Variants in OSGIN1 observed in about 807,000 individuals in gnomAD.
OSGIN1 encodes oxidative stress-induced growth inhibitor 1.
In OSGIN1, 19 loss-of-function variants were observed where a neutral mutation model predicts 20.1. The ratio of observed to expected loss-of-function variants is 0.95; its 90% CI spans 0.66 to 1.39. OSGIN1 has a LOEUF of 1.39. OSGIN1 is among the 40% of genes most tolerant of loss of function. OSGIN1 has a pLI of 0.00. For missense variants in OSGIN1, 820 were observed against 653.0 expected, an observed-to-expected ratio of 1.26 and a Z score of -2.79; for synonymous variants, 368 against 297.8, an observed-to-expected ratio of 1.24 and a Z score of -2.43.
At chr16:83,958,649 A>G (rs182112245) in intron 2 of OSGIN1, among the ~76,000 whole-genome samples, 179 of 152,362 alleles carry the variant, frequency 1.2e-3, no homozygotes, top group Admixed American at 4.3e-3. Flanking sequence ...GAGAAGCGCT[A>G]TCACAGGGCT....
At chr16:83,953,766 C>T (rs1908800039) in intron 1 of OSGIN1, among the ~76,000 whole-genome samples, 2 of 152,108 alleles carry the variant, frequency 1.3e-5, no homozygotes, top group Non-Finnish European at 2.9e-5. Flanking sequence ...GCTTCTCCTG[C>T]TCAGGAGGGA....
In OSGIN1 at chr16:83,965,951, G is replaced by A. The variant is rs1219870341; in HGVS notation, c.1378G>A (p.Gly460Ser). ...GDNFVRFVQG[G>S]ALAVASSLLR... is the part of the protein sequence containing the mutation. ...CAACTTCGTGAGGTTTGTGCAGGGG[G>A]GCGCCTTGGCTGTGGCCAGCTCCCT... Residue 460 changes from glycine (G) to serine (S), a missense_variant, in exon 6 of 6, where the codon GGC (glycine) becomes AGC (serine). Physicochemically the swap from Gly to Ser is moderately conservative, Grantham distance 56. Coordinates refer to ENST00000393306, the MANE Select transcript of OSGIN1 (RefSeq NM_182981.3). 2 of 1,610,478 alleles carry A rather than the reference G, an allele frequency of 1.2e-6. No homozygotes were observed. Among genetic ancestry groups the A allele is most frequent in the Non-Finnish European group, 1.7e-6 (2 of 1,178,984 alleles).
chr16:83,961,226 C>T (rs2084207832), intron 5 of OSGIN1, 154 bp downstream of exon 5: 1 of 622,106 alleles, frequency 1.6e-6, no homozygotes, highest in South Asian at 1.9e-5. Flanking sequence ...GACATGTGCC[C>T]AAGGTGATCC....
chr16:83,959,123 C>A, intron 2 of OSGIN1, 137 bp from the exon 3 acceptor site: 1 of 672,738 alleles, frequency 1.5e-6, no homozygotes, highest in Admixed American at 2.6e-5. Flanking sequence ...CTGGCACAGG[C>A]TAAGGGCTTA....
Position 83,960,721 on chromosome 16 carries a change from C to T in OSGIN1, c.357C>T (p.His119=), listed in dbSNP as rs201472845. 37 of 1,613,450 alleles carry T rather than the reference C, an allele frequency of 2.3e-5. No homozygotes were observed. The East Asian group carries it at 3.1e-4, about 14-fold the overall frequency. ...ACCGGAAGGAGCACGCCATCCCCCA[C>T]GTGGTTCTGGGCCGGAACCTCCCCG... ...WKHRKEHAIP[H]VVLGRNLPGG... The change falls in exon 4 of 6, where the codon CAC becomes CAT. Residue 119 remains histidine, a synonymous_variant. Coordinates refer to ENST00000393306, the MANE Select transcript of OSGIN1 (RefSeq NM_182981.3).
chr16:83,955,310 A>G, intron 1 of OSGIN1, among the ~76,000 whole-genome samples: 1 of 152,196 alleles, frequency 6.6e-6, no homozygotes, highest in African/African-American at 2.4e-5. Flanking sequence ...CTTCCCAGCC[A>G]GAACACCAGG....
intron 1 of OSGIN1, among the ~76,000 whole-genome samples, chr16:83,955,998 G>A (rs988150722): frequency 6.6e-6 from 1 of 152,184 alleles, no homozygotes; most frequent in African/African-American, 2.4e-5. Context: ...CCCCTTCCCC[G>A]CTAGGCACAT....
chr16:83,960,921 C>T (rs1432195408), intron 4 of OSGIN1, 60 bp from the exon 5 acceptor site: 1 of 1,567,102 alleles, frequency 6.4e-7, no homozygotes, highest in Non-Finnish European at 8.8e-7. Context: ...CCCATGCCCT[C>T]TAGCCCCAAA....
Position 83,953,245 on chromosome 16 carries a change from C to G in OSGIN1, c.-158C>G. Reference sequence around the variant, plus strand: ...TCACTTCCCTCTGGCCTCTCAGAGCCTCTTGGATCCCCACAGGGTAATGGG... The same window carrying G: ...TCACTTCCCTCTGGCCTCTCAGAGCGTCTTGGATCCCCACAGGGTAATGGG... On this transcript the variant is annotated 5_prime_UTR_variant, in exon 1 of 6. Coordinates refer to ENST00000393306, the MANE Select transcript of OSGIN1 (RefSeq NM_182981.3). 2 of 1,285,066 alleles carry G rather than the reference C, an allele frequency of 1.6e-6. No homozygotes were observed. Among genetic ancestry groups the G allele is most frequent in the Admixed American group, 2.3e-5 (1 of 43,222 alleles). The allele number at this position is 1,285,066 out of a possible 1,614,324, so 79.6% of individuals were successfully genotyped here.
chr16:83,965,012 C>A, intron 5 of OSGIN1, 50 bp from the exon 6 acceptor site: 1 of 1,210,664 alleles, frequency 8.3e-7, no homozygotes, highest in Non-Finnish European at 1.2e-6. Context: ...CACCCAGCCC[C>A]CCAACCCCTA....
At chr16:83,962,204 A>C (rs1448877963) in intron 5 of OSGIN1, among the ~76,000 whole-genome samples, 1 of 151,970 alleles carries the variant, frequency 6.6e-6, no homozygotes, top group African/African-American at 2.4e-5. Context: ...TGAATATTTG[A>C]GATGGGTCTC....
rs908517561 is a variant in OSGIN1, at chr16:83,964,020, T to C, written c.489-1042T>C. On this transcript the variant is annotated intron_variant, in intron 5 of 5. Transcript: ENST00000393306. ...TTTAAATCAACTTTTTGACTACATA[T>C]AGGCTGGGTGCGGTGGCGCAAGCCT... Among the ~76,000 whole-genome samples the C allele has an allele frequency of 6.0e-5, 9 of 149,990 alleles. No homozygotes were observed. In the East Asian group the frequency reaches 1.5e-3, roughly 26 times the overall value.
intron 1 of OSGIN1, among the ~76,000 whole-genome samples, chr16:83,955,914 C>A (rs1439970822): frequency 6.6e-6 from 1 of 152,144 alleles, no homozygotes; most frequent in Non-Finnish European, 1.5e-5. Flanking sequence ...CTGTCCCTGG[C>A]CCCCACGCCA....
At chr16:83,953,545 C>G (rs1438459054) in intron 1 of OSGIN1, among the ~76,000 whole-genome samples, 175 bp downstream of exon 1, 2 of 152,212 alleles carry the variant, frequency 1.3e-5, no homozygotes, top group African/African-American at 4.8e-5. Context: ...TTCTCCCCTA[C>G]ACCAGGTTCC....
chr16:83,965,508 T>C lies in OSGIN1; in HGVS notation c.935T>C (p.Ile312Thr). ...GCCCGCCACTACAACATCCCGGTGA[T>C]CCATGCCTTCCGCCGGGCCGTGGAC... ...LYARHYNIPV[I>T]HAFRRAVDDP... Residue 312 changes from isoleucine (I) to threonine (T), a missense_variant, in exon 6 of 6, where the codon ATC (isoleucine) becomes ACC (threonine). Physicochemically the swap from Ile to Thr is moderately conservative, Grantham distance 89. Transcript: ENST00000393306. The C allele has an allele frequency of 6.2e-7, 1 of 1,612,042 alleles. No individual in the cohort carries two copies. Among genetic ancestry groups the C allele is most frequent in the Non-Finnish European group, 8.5e-7 (1 of 1,179,984 alleles).
At chr16:83,961,394 T>G in intron 5 of OSGIN1, 1 of 346,670 alleles carries the variant, frequency 2.9e-6, no homozygotes, top group Non-Finnish European at 5.5e-6. Context: ...AGATAAACAG[T>G]TGCATTCTTT....
At chr16:83,955,421 C>G (rs1255876918) in intron 1 of OSGIN1, among the ~76,000 whole-genome samples, 1 of 152,156 alleles carries the variant, frequency 6.6e-6, no homozygotes, top group Non-Finnish European at 1.5e-5. Flanking sequence ...GCAGAGGGGT[C>G]TCAGCAGGAC....
At position 83,963,969 on chromosome 16, in the gene OSGIN1, C is replaced by T. The variant is rs144652092; in HGVS notation, c.489-1093C>T. ...CGTGGGCTGGGAACGATGGTGAGTG[C>T]GTCACATGGGAGTCTTTAAATCAAC... On this transcript the variant is annotated intron_variant, in intron 5 of 5. Transcript: ENST00000393306. Among the ~76,000 whole-genome samples the T allele has an allele frequency of 7.3e-3, 1,082 of 148,870 alleles. 5 individuals are homozygous for T. Among genetic ancestry groups the T allele is most frequent in the African/African-American group, 9.1e-3 (376 of 41,292 alleles).
Position 83,957,651 on chromosome 16 carries a change from GCCCCAAGC to G in OSGIN1, c.-16_-9del. ...CTCCCCCACTCCAGGTCCGCTGCCA[GCCCCAAGC>G]CCCCCACCAGCCATGAGCTCCTCCA... is the stretch of plus-strand genomic sequence containing the variant. On this transcript the variant is annotated 5_prime_UTR_variant, in exon 2 of 6. Coordinates refer to ENST00000393306, the MANE Select transcript of OSGIN1 (RefSeq NM_182981.3). 41 of 1,587,138 alleles carry G rather than the reference GCCCCAAGC, an allele frequency of 2.6e-5. No homozygotes were observed. Among genetic ancestry groups the G allele is most frequent in the Non-Finnish European group, 3.5e-5 (41 of 1,163,814 alleles).
Sources: allele counts gnomAD v4.1 joint callset (sites outside exome capture counted in the v4.1 genomes callset), GRCh38; gene constraint gnomAD v4.1.1; transcripts MANE v1.5; gene names NCBI Gene and HGNC (gene_info 2026-07-23, HGNC 2026-07-21).